PHACTR1: variants seen among roughly 807,000 people sequenced by gnomAD.
PHACTR1 encodes RPEL repeat containing 1.
In PHACTR1, 16 loss-of-function variants were observed where a neutral mutation model predicts 69.2. The ratio of observed to expected loss-of-function variants is 0.23; its 90% confidence interval spans 0.16 to 0.35. The LOEUF (loss-of-function observed/expected upper bound fraction) is 0.35. Among genes scored for constraint, PHACTR1 ranks in the 10% least tolerant of loss-of-function variants. PHACTR1 has a pLI of 1.00. For missense variants in PHACTR1, 510 were observed against 734.7 expected (o/e 0.69, Z 3.54); for synonymous variants, 312 against 284.5 (o/e 1.10, Z -0.97).
chr6:12,830,105 GAAAGA>G (rs1777317131), intron 4 of PHACTR1, among the ~76,000 whole-genome samples: 1 of 26,946 alleles, frequency 3.7e-5, no homozygotes, highest in African/African-American at 6.0e-5. Context: ...AAGAAAGAAA[GAAAGA>G]AAGAAAGAAA....
chr6:13,157,132 C>G (rs1299857844), intron 5 of PHACTR1, among the ~76,000 whole-genome samples: 3 of 152,220 alleles, frequency 2.0e-5, no homozygotes, highest in African/African-American at 7.2e-5. Flanking sequence ...CTGGCAGCTG[C>G]AGCCACACCA....
At chr6:13,187,963 C>G (rs1763029798) in intron 7 of PHACTR1, among the ~76,000 whole-genome samples, 6 of 152,142 alleles carry the variant, frequency 3.9e-5, no homozygotes, top group Admixed American at 3.3e-4. Flanking sequence ...ACTTAAGTTT[C>G]ATCTATGAGC....
intron 4 of PHACTR1, among the ~76,000 whole-genome samples, chr6:13,041,255 C>T (rs1277492102): frequency 6.6e-6 from 1 of 151,302 alleles, no homozygotes; most frequent in African/African-American, 2.4e-5. Flanking sequence ...AAAGTCTTGA[C>T]AAAGATATGA....
At chr6:13,072,501 T>C (rs1046788791) in intron 5 of PHACTR1, among the ~76,000 whole-genome samples, 11 of 152,224 alleles carry the variant, frequency 7.2e-5, no homozygotes, top group Non-Finnish European at 1.5e-5. Context: ...TTTTTCATAA[T>C]AATTCCACAT....
chr6:12,746,697 A>G (rs1279573481), intron 3 of PHACTR1, among the ~76,000 whole-genome samples: 1 of 152,264 alleles, frequency 6.6e-6, no homozygotes, highest in East Asian at 1.9e-4. Context: ...CTAAAGTGGT[A>G]GCAATATTAA....
intron 4 of PHACTR1, among the ~76,000 whole-genome samples, chr6:12,980,492 C>G (rs771730273): frequency 3.9e-5 from 6 of 151,968 alleles, no homozygotes; most frequent in Non-Finnish European, 7.4e-5. Flanking sequence ...TGTCAAATAG[C>G]ACGGTGACTT....
intron 4 of PHACTR1, among the ~76,000 whole-genome samples, chr6:12,978,694 A>C (rs758873926): frequency 7.2e-5 from 11 of 152,222 alleles, no homozygotes; most frequent in Non-Finnish European, 1.6e-4. Context: ...AGTGCCTGCT[A>C]GGACGGTGTT....
intron 4 of PHACTR1, among the ~76,000 whole-genome samples, chr6:12,841,908 T>C (rs923208919): frequency 1.3e-5 from 2 of 152,176 alleles, no homozygotes; most frequent in Non-Finnish European, 2.9e-5. Flanking sequence ...TCCAAGGGCT[T>C]CTTACACCTT....
At chr6:12,763,251 CAACAAA>C (rs1350755006) in intron 4 of PHACTR1, among the ~76,000 whole-genome samples, 10 of 141,818 alleles carry the variant, frequency 7.1e-5, no homozygotes, top group Non-Finnish European at 1.6e-5. Flanking sequence ...ACAACAACAA[CAACAAA>C]ACAGCAGCCA....
intron 4 of PHACTR1, among the ~76,000 whole-genome samples, chr6:12,778,158 A>G (rs190268008): frequency 1.3e-5 from 2 of 152,244 alleles, no homozygotes; most frequent in East Asian, 1.9e-4. Context: ...TGTTATACAC[A>G]TATGTGACAT....
At chr6:13,071,208 C>T (rs937801263) in intron 5 of PHACTR1, among the ~76,000 whole-genome samples, 2 of 152,064 alleles carry the variant, frequency 1.3e-5, no homozygotes. Context: ...AAGCAGATCA[C>T]CTGAGGTCAG....
intron 4 of PHACTR1, among the ~76,000 whole-genome samples, chr6:12,810,338 G>A (rs1461361157): frequency 6.6e-6 from 1 of 151,844 alleles, no homozygotes; most frequent in African/African-American, 2.4e-5. Context: ...TTGTTTGTTT[G>A]TTTGTTTGTT....
chr6:13,224,595 T>TA (rs984773924), intron 8 of PHACTR1, among the ~76,000 whole-genome samples: 3 of 152,038 alleles, frequency 2.0e-5, no homozygotes, highest in Non-Finnish European at 4.4e-5. Context: ...AACTATGTTA[T>TA]AAAAAAAACT....
In PHACTR1 at chr6:12,937,684, A is replaced by G. The variant is rs189589553; in HGVS notation, c.251-115681A>G. 5.6e-3 allele frequency among the ~76,000 whole-genome samples: 851 copies of G among 151,850 alleles called. 13 individuals carry two copies. Among genetic ancestry groups the G allele is most frequent in the Admixed American group, 5.5e-3 (84 of 15,292 alleles). On this transcript the variant is annotated intron_variant, in intron 4 of 14. Transcript: ENST00000332995. The stretch of plus-strand genomic sequence containing the variant: ...TATTTTAGAGAGTGTGGGCAGAACA[A>G]AAGCTCCCAGAGAGGGTGCTGAGTA...
intron 4 of PHACTR1, among the ~76,000 whole-genome samples, chr6:13,030,216 CA>C (rs1412670853): frequency 9.4e-6 from 1 of 105,970 alleles, no homozygotes; most frequent in African/African-American, 2.9e-5. Flanking sequence ...GTGAGTGCAA[CA>C]GACGTTTTAT....
In PHACTR1 at chr6:13,226,411, A is replaced by T. The variant is rs1420541094; in HGVS notation, c.987-1405A>T. On this transcript the variant is annotated intron_variant, in intron 8 of 14. Transcript: ENST00000332995. ...TTTGGATAAAATATTCAAATGTAGG[A>T]CTTACTGATATATAATATAACCTCA... 6.6e-5 allele frequency among the ~76,000 whole-genome samples: 10 copies of T among 152,210 alleles called. No individual in the cohort carries two copies. The East Asian group carries it at 1.7e-3, about 26-fold the overall frequency.
At chr6:13,068,734 C>G (rs986622771) in intron 5 of PHACTR1, among the ~76,000 whole-genome samples, 3 of 152,156 alleles carry the variant, frequency 2.0e-5, no homozygotes, top group African/African-American at 7.2e-5. Flanking sequence ...ACAATGGCCA[C>G]TGAGGAAGTG....
intron 4 of PHACTR1, among the ~76,000 whole-genome samples, chr6:12,992,207 T>A (rs1217889122): frequency 2.0e-5 from 3 of 152,204 alleles, no homozygotes; most frequent in Non-Finnish European, 2.9e-5. Flanking sequence ...TTCCTCCTCT[T>A]ACACTGTAAA....
At position 13,069,965 on chromosome 6, in the gene PHACTR1, C is replaced by G. The variant is rs538973732; in HGVS notation, c.415+16436C>G. On this transcript the variant is annotated intron_variant, in intron 5 of 14. Transcript: ENST00000332995. ...AGGCTACAGTGCTGGTGTCTGACTC[C>G]ATGGTCGCACTGGACTCAGATCTCT... 3.9e-5 allele frequency among the ~76,000 whole-genome samples: 6 copies of G among 152,260 alleles called. No homozygotes were observed. The South Asian group carries it at 1.0e-3, about 26-fold the overall frequency.
Sources: gnomAD v4.1 joint callset for allele counts (sites outside exome capture counted in the v4.1 genomes callset) on GRCh38, gnomAD v4.1.1 for gene constraint, MANE v1.5 for transcripts, NCBI Gene and HGNC (gene_info 2026-07-23, HGNC 2026-07-21) for gene names.